PARP8: variants seen among roughly 807,000 people sequenced by gnomAD.
PARP8 encodes poly(ADP-ribose) polymerase family member 8, also known as protein mono-ADP-ribosyltransferase PARP8.
PARP8 carries 51 observed loss-of-function variants against 124.1 expected under a neutral mutation model. The ratio of observed to expected loss-of-function variants is 0.41; its 90% CI spans 0.33 to 0.52. PARP8 has a LOEUF of 0.52. Among genes scored for constraint, PARP8 ranks in the 20% least tolerant of loss-of-function variants. The pLI is 0.21. For synonymous variants in PARP8, 391 were observed against 361.5 expected (o/e 1.08, Z -0.93); for missense variants, 860 against 1,018.9 (o/e 0.84, Z 2.12).
intron 2 of PARP8, chr5:50,739,169 C>G: frequency 1.5e-6 from 1 of 662,596 alleles, no homozygotes; most frequent in Middle Eastern, 3.0e-4. Context: ...AGGACACAGG[C>G]TAGGTAACTC....
rs1355759676 is a variant in PARP8, at chr5:50,737,144, C to T, written c.147-13007C>T. On this transcript the variant is annotated intron_variant, in intron 2 of 25. Transcript: ENST00000281631. ...CCCATTTTGCCAGAAAGTGGCCTTC[C>T]TCACCATCTGTAAGTCTGGGAACCT... 2.0e-5 allele frequency among the ~76,000 whole-genome samples: 3 copies of T among 152,126 alleles called. No individual in the cohort carries two copies. The East Asian group carries it at 5.8e-4, about 29-fold the overall frequency.
chr5:50,828,874 G>A (rs1388420079), intron 21 of PARP8, among the ~76,000 whole-genome samples: 1 of 151,792 alleles, frequency 6.6e-6, no homozygotes, highest in African/African-American at 2.4e-5. Context: ...CTGGGTGACA[G>A]CAAGACTGTC....
In PARP8 at chr5:50,754,144, T is replaced by TAC. The variant is rs1231050477; in HGVS notation, c.184+3957_184+3958insCA. ...ATATATATATATATATATATATATATATATATACACACACACACACACACA... is the reference window on the plus strand; with the variant it reads ...ATATATATATATATATATATATATATACATATATACACACACACACACACACA... On this transcript the variant is annotated intron_variant, in intron 3 of 25. Coordinates refer to ENST00000281631, the MANE Select transcript of PARP8 (RefSeq NM_024615.4). Among the ~76,000 whole-genome samples the TAC allele has an allele frequency of 3.8e-4, 7 of 18,378 alleles. 1 individual carries two copies. Among genetic ancestry groups the TAC allele is most frequent in the Non-Finnish European group, 6.0e-4 (5 of 8,304 alleles). 12.1% of individuals were successfully genotyped at this position (18,378 alleles called of 152,430 possible).
At chr5:50,733,951 A>G (rs1190316651) in intron 2 of PARP8, among the ~76,000 whole-genome samples, 1 of 152,184 alleles carries the variant, frequency 6.6e-6, no homozygotes, top group East Asian at 1.9e-4. Context: ...GTCTTGTCTT[A>G]TGTATAGCAT....
At chr5:50,795,492 C>T (rs1435179283) in intron 12 of PARP8, 75 bp downstream of exon 12, 2 of 1,252,122 alleles carry the variant, frequency 1.6e-6, no homozygotes, top group Non-Finnish European at 1.1e-6. Flanking sequence ...CTTATAAGAT[C>T]TGGTGGAGAA....
intron 7 of PARP8, among the ~76,000 whole-genome samples, chr5:50,775,788 T>G (rs1182813804): frequency 1.3e-5 from 2 of 152,196 alleles, no homozygotes; most frequent in Non-Finnish European, 2.9e-5. Flanking sequence ...GTTTTACAGT[T>G]TTTTTGGTGG....
chr5:50,766,588 T>G (rs536701641), intron 7 of PARP8, among the ~76,000 whole-genome samples: 1 of 152,330 alleles, frequency 6.6e-6, no homozygotes, highest in Admixed American at 6.5e-5. Flanking sequence ...TTTAGAAAAT[T>G]TAAGTCATAT....
intron 7 of PARP8, among the ~76,000 whole-genome samples, chr5:50,776,735 C>T (rs1740073615): frequency 6.6e-6 from 1 of 152,010 alleles, no homozygotes; most frequent in African/African-American, 2.4e-5. Flanking sequence ...TTCATTAAAT[C>T]ACATAAAATT....
chr5:50,781,009 A>G (rs757733652), intron 9 of PARP8, among the ~76,000 whole-genome samples: 15 of 152,128 alleles, frequency 9.9e-5, no homozygotes, highest in Non-Finnish European at 1.9e-4. Flanking sequence ...ATTCACCTCA[A>G]GTACATTTTA....
chr5:50,757,992 G>A (rs1760149032), intron 3 of PARP8, among the ~76,000 whole-genome samples: 1 of 151,968 alleles, frequency 6.6e-6, no homozygotes, highest in African/African-American at 2.4e-5. Flanking sequence ...TGTGCACAGG[G>A]AAAACAGATA....
At chr5:50,813,700 G>A (rs1022653336) in intron 14 of PARP8, among the ~76,000 whole-genome samples, 2 of 152,050 alleles carry the variant, frequency 1.3e-5, no homozygotes, top group Non-Finnish European at 2.9e-5. Flanking sequence ...TCCAGTTTTT[G>A]CCCTTCAGTA....
At chr5:50,765,582 C>T (rs1414249063) in intron 7 of PARP8, among the ~76,000 whole-genome samples, 1 of 152,186 alleles carries the variant, frequency 6.6e-6, no homozygotes, top group African/African-American at 2.4e-5. Context: ...TTCCCCTTAA[C>T]CCTTTTCACT....
At chr5:50,833,954 A>G in intron 23 of PARP8, 25 bp from the exon 24 acceptor site, 2 of 1,596,730 alleles carry the variant, frequency 1.3e-6, no homozygotes, top group South Asian at 2.2e-5. Context: ...TCTGACTCTA[A>G]GTTTTAATTG....
At chr5:50,751,220 C>T (rs571787508) in intron 3 of PARP8, among the ~76,000 whole-genome samples, 16 of 152,130 alleles carry the variant, frequency 1.1e-4, no homozygotes, top group African/African-American at 3.9e-4. Context: ...CCAAGTGGGC[C>T]AAGTGTTTAG....
intron 2 of PARP8, among the ~76,000 whole-genome samples, chr5:50,731,158 C>A (rs1468812356): frequency 2.0e-5 from 3 of 152,186 alleles, no homozygotes; most frequent in Admixed American, 6.5e-5. Flanking sequence ...GTTTGTTCAT[C>A]TGTAAAATAA....
chr5:50,759,705 CCAGTAATTTTT>C lies in PARP8; in HGVS notation c.250_260del (p.Val84Ter). ...TGTGCTAGTTACTACAGAGCCAATA[CCAGTAATTTTT>C]CATAGAATAGCAACAGGTAATAGTA... On this transcript the variant is annotated frameshift_variant, in exon 4 of 26. Coordinates refer to ENST00000281631, the MANE Select transcript of PARP8 (RefSeq NM_024615.4). LOFTEE classifies it high-confidence loss of function. The C allele has an allele frequency of 6.4e-7, 1 of 1,557,120 alleles. No individual in the cohort carries two copies. Among genetic ancestry groups the C allele is most frequent in the Non-Finnish European group, 8.7e-7 (1 of 1,154,906 alleles).
chr5:50,768,690 A>T (rs746921952), intron 7 of PARP8, among the ~76,000 whole-genome samples: 1 of 152,204 alleles, frequency 6.6e-6, no homozygotes, highest in Non-Finnish European at 1.5e-5. Flanking sequence ...AGTTGTAGTC[A>T]TATTTCAAGC....
chr5:50,763,982 C>A (rs1486510174), intron 7 of PARP8, among the ~76,000 whole-genome samples: 5 of 152,160 alleles, frequency 3.3e-5, no homozygotes, highest in African/African-American at 1.2e-4. Context: ...CATATTCCCG[C>A]TTCACGTTGG....
chr5:50,811,855 T>G (rs976589015), intron 14 of PARP8, among the ~76,000 whole-genome samples: 2 of 152,174 alleles, frequency 1.3e-5, no homozygotes, highest in African/African-American at 2.4e-5. Context: ...TTTCTGTCTT[T>G]GCGATAGTTT....
Sources: allele counts gnomAD v4.1 joint callset (sites outside exome capture counted in the v4.1 genomes callset), GRCh38; gene constraint gnomAD v4.1.1; transcripts MANE v1.5; gene names NCBI Gene and HGNC (gene_info 2026-07-23, HGNC 2026-07-21).